CPLX2: variants seen among roughly 807,000 people sequenced by gnomAD.
The protein encoded by CPLX2 is complexin 2, also known as complexin-2.
CPLX2 carries 5 observed loss-of-function variants against 16.3 expected under a neutral mutation model. The observed-to-expected ratio is 0.31, with a 90% CI of 0.16 to 0.64. CPLX2 has a LOEUF of 0.64. CPLX2 is among the 30% of genes least tolerant of loss of function. The probability of loss-of-function intolerance (pLI) is 0.79; values close to 1 mark genes in which losing one functional copy is unlikely to be tolerated. For synonymous variants in CPLX2, 89 were observed against 73.2 expected, an observed-to-expected ratio of 1.22 and a Z score of -1.10; for missense variants, 144 against 181.4, an observed-to-expected ratio of 0.79 and a Z score of 1.18.
chr5:175,878,793 G>A (rs1434107009), intron 2 of CPLX2, 23 bp downstream of exon 2: 4 of 1,612,378 alleles, frequency 2.5e-6, no homozygotes, highest in African/African-American at 2.7e-5. Flanking sequence ...GCCCCTCCGC[G>A]TGTCCTCAGC....
At chr5:175,817,698 T>C (rs1439071096) in intron 2 of CPLX2, among the ~76,000 whole-genome samples, 1 of 152,206 alleles carries the variant, frequency 6.6e-6, no homozygotes, top group East Asian at 1.9e-4. Context: ...CCCACCTGGC[T>C]GACTAATCAC....
At chr5:175,797,999 C>T (rs1339409875) in intron 1 of CPLX2, among the ~76,000 whole-genome samples, 1 of 152,120 alleles carries the variant, frequency 6.6e-6, no homozygotes, top group East Asian at 1.9e-4. Flanking sequence ...AAGACAAGGC[C>T]TAGGGGGCAG....
At chr5:175,838,479 A>G (rs553507636) in intron 2 of CPLX2, among the ~76,000 whole-genome samples, 2 of 152,174 alleles carry the variant, frequency 1.3e-5, no homozygotes, top group South Asian at 4.2e-4. Context: ...CGTGTTAGCC[A>G]GGATGGTCTC....
intron 2 of CPLX2, among the ~76,000 whole-genome samples, chr5:175,863,162 A>G (rs1464995761): frequency 6.6e-6 from 1 of 152,254 alleles, no homozygotes; most frequent in African/African-American, 2.4e-5. Flanking sequence ...CTTAGGGCAC[A>G]GCTCTGAGCC....
Position 175,849,283 on chromosome 5 carries a change from T to G in CPLX2, c.-88-29369T>G, listed in dbSNP as rs982301167. On this transcript the variant is annotated intron_variant, in intron 2 of 4. Coordinates refer to the CPLX2 transcript ENST00000359546. The surrounding 1 kb of genome is among the most constrained non-coding windows in gnomAD (Gnocchi z 4.4). Reference sequence around the variant, plus strand: ...GCTCAAAGGGATGTCCGGCTACCCTTGGGTGAGGACAGGGTAGTGTGCTCT... The same window carrying G: ...GCTCAAAGGGATGTCCGGCTACCCTGGGGTGAGGACAGGGTAGTGTGCTCT... Among the ~76,000 whole-genome samples the G allele has an allele frequency of 1.4e-4, 21 of 152,188 alleles. No homozygotes were observed. The highest frequency in any genetic ancestry group is 4.8e-4 in the African/African-American group (20 of 41,446).
chr5:175,873,362 C>T (rs1301301479), intron 1 of CPLX2, among the ~76,000 whole-genome samples: 2 of 151,966 alleles, frequency 1.3e-5, no homozygotes, highest in Non-Finnish European at 2.9e-5. Context: ...CCCTCATGCA[C>T]TCGTTGACAC....
rs942594450 is a variant in CPLX2 at position 175,849,672 on chromosome 5, A to T, written c.-88-28980A>T. Among the ~76,000 whole-genome samples, 1 of 151,860 alleles carries T rather than the reference A, an allele frequency of 6.6e-6. No individual in the cohort carries two copies. Among genetic ancestry groups the T allele is most frequent in the African/African-American group, 2.4e-5 (1 of 41,316 alleles). On this transcript the variant is annotated intron_variant, in intron 2 of 4. Transcript: ENST00000359546. This position sits in a 1 kb window ranked among gnomAD's most constrained non-coding sequence, Gnocchi z 4.4. ...TCTGCCGCAGGTCCTCGTTGGGGTC[A>T]TCATGGGAGAAGCCGGGCTTTGGAG...
intron 2 of CPLX2, among the ~76,000 whole-genome samples, chr5:175,823,580 C>T (rs1377353306): frequency 1.3e-5 from 2 of 152,082 alleles, no homozygotes; most frequent in Admixed American, 6.5e-5. Flanking sequence ...ACCCCAAGTT[C>T]GGGAGAGAGG....
At chr5:175,869,811 G>C (rs983127249), upstream of CPLX2, among the ~76,000 whole-genome samples, 7 of 152,124 alleles carry the variant, frequency 4.6e-5, no homozygotes, top group African/African-American at 1.4e-4. Flanking sequence ...AAAGTGTGGT[G>C]TCCATAACTG....
At position 175,849,913 on chromosome 5, in the gene CPLX2, G is replaced by A. The variant is rs749729446; in HGVS notation, c.-88-28739G>A. On this transcript the variant is annotated intron_variant, in intron 2 of 4. Coordinates refer to the CPLX2 transcript ENST00000359546. This position sits in a 1 kb window ranked among gnomAD's most constrained non-coding sequence, Gnocchi z 4.4. Reference sequence around the variant, plus strand: ...AATGGAATTGTCCCTTTGGGGGAACGACCGTGTGACTCTGAGCATGAGAAG... The same window carrying A: ...AATGGAATTGTCCCTTTGGGGGAACAACCGTGTGACTCTGAGCATGAGAAG... Among the ~76,000 whole-genome samples, 9 of 152,322 alleles carry A rather than the reference G, an allele frequency of 5.9e-5. No individual in the cohort carries two copies. In the South Asian group the frequency reaches 6.2e-4, roughly 11 times the overall value.
At position 175,845,996 on chromosome 5, in the gene CPLX2, G is replaced by A. The variant is rs747707127; in HGVS notation, c.-88-32656G>A. On this transcript the variant is annotated intron_variant, in intron 2 of 4. Transcript: ENST00000359546. This position sits in a 1 kb window ranked among gnomAD's most constrained non-coding sequence, Gnocchi z 4.0. Reference sequence around the variant, plus strand: ...TCCCCTCACCTCCTGAAATCAATCAGGGCGAGACCTTAGTGAGGGCACTAA... The same window carrying A: ...TCCCCTCACCTCCTGAAATCAATCAAGGCGAGACCTTAGTGAGGGCACTAA... 6.8e-4 allele frequency among the ~76,000 whole-genome samples: 104 copies of A among 152,122 alleles called. No homozygotes were observed. The highest frequency in any genetic ancestry group is 1.3e-3 in the Non-Finnish European group (89 of 68,006).
At position 175,881,276 on chromosome 5, in the gene CPLX2, C is replaced by T. The variant is rs1561794874; in HGVS notation, c.*1231C>T. On this transcript the variant is annotated 3_prime_UTR_variant, in exon 4 of 4. Coordinates refer to ENST00000393745, the MANE Select transcript of CPLX2 (RefSeq NM_001008220.2). Reference sequence around the variant, plus strand: ...CATATGCATATGTGTAGGGCTGGAGCGTGTGTGTGTCTTGAGATTGTGTGT... The same window carrying T: ...CATATGCATATGTGTAGGGCTGGAGTGTGTGTGTGTCTTGAGATTGTGTGT... 6.5e-6 allele frequency: 1 copy of T among 153,122 alleles called. No individual in the cohort carries two copies. The highest frequency in any genetic ancestry group is 2.1e-4 in the South Asian group (1 of 4,812). 9.5% of individuals were successfully genotyped at this position (153,122 alleles called of 1,614,324 possible).
chr5:175,850,433 C>A (rs1759129649), intron 2 of CPLX2, among the ~76,000 whole-genome samples: 1 of 152,178 alleles, frequency 6.6e-6, no homozygotes, highest in Admixed American at 6.5e-5. Context: ...CTGGCCAGAG[C>A]AGACTAGAGC....
intron 3 of CPLX2, 98 bp downstream of exon 3, chr5:175,879,181 C>T: frequency 7.8e-7 from 1 of 1,277,472 alleles, no homozygotes; most frequent in Non-Finnish European, 1.1e-6. Context: ...TCCCAGCTCT[C>T]ACCTTCGCCC....
At chr5:175,839,327 C>T (rs1758904896) in intron 2 of CPLX2, among the ~76,000 whole-genome samples, 1 of 151,798 alleles carries the variant, frequency 6.6e-6, no homozygotes, top group African/African-American at 2.4e-5. Flanking sequence ...GCTCTGTCAC[C>T]CAGGCTAGAG....
upstream of CPLX2, chr5:175,871,429 G>GAGAGAGAGAGAGAGAGAGAA (rs1561790305): frequency 2.2e-5 from 2 of 91,310 alleles, no homozygotes; most frequent in African/African-American, 8.0e-5. Flanking sequence ...GAGAGAGAGA[G>GAGAGAGAGAGAGAGAGAGAA]AGACAGAGAG....
chr5:175,878,640 T>A lies in CPLX2; in HGVS notation c.-88-12T>A. 1 of 1,398,460 alleles carries A rather than the reference T, an allele frequency of 7.2e-7. No individual in the cohort carries two copies. The highest frequency in any genetic ancestry group is 9.9e-7 in the Non-Finnish European group (1 of 1,007,012). 86.6% of individuals were successfully genotyped at this position (1,398,460 alleles called of 1,614,324 possible). Reference sequence around the variant, plus strand: ...AGGCCTCTCCCATCTGACTCCCAATTCTCTTCTGCAGGTTGTCACATCTTC... The same window carrying A: ...AGGCCTCTCCCATCTGACTCCCAATACTCTTCTGCAGGTTGTCACATCTTC... On this transcript the variant is annotated splice_polypyrimidine_tract_variant and intron_variant, in intron 1 of 3. Coordinates refer to ENST00000393745, the MANE Select transcript of CPLX2 (RefSeq NM_001008220.2).
At chr5:175,812,949 G>A (rs765409001) in intron 2 of CPLX2, among the ~76,000 whole-genome samples, 2 of 152,178 alleles carry the variant, frequency 1.3e-5, no homozygotes, top group Non-Finnish European at 2.9e-5. Flanking sequence ...TGCCTTTGGA[G>A]GTAGACTGGG....
intron 1 of CPLX2, among the ~76,000 whole-genome samples, chr5:175,877,221 CTTTTTTTT>C (rs35064099): frequency 1.2e-4 from 17 of 137,188 alleles, no homozygotes; most frequent in African/African-American, 4.2e-4. Flanking sequence ...TTGTGTTTTG[CTTTTTTTT>C]TTTTTTTTTC....
Sources: gnomAD v4.1 joint callset for allele counts (sites outside exome capture counted in the v4.1 genomes callset) on GRCh38, gnomAD v4.1.1 for gene constraint, Gnocchi (gnomAD v3.1) non-coding constraint, MANE v1.5 for transcripts, NCBI Gene and HGNC (gene_info 2026-07-23, HGNC 2026-07-21) for gene names.